Variants in RANBP17 observed in about 807,000 individuals in gnomAD.
The protein encoded by RANBP17 is ran-binding protein 17.
Under a neutral mutation model 141.2 loss-of-function variants are expected in RANBP17, and 158 were observed. That is an observed-to-expected ratio of 1.12 (90% CI 0.98 to 1.28). The LOEUF (loss-of-function observed/expected upper bound fraction) is 1.28. Ranked by LOEUF, RANBP17 falls within the 50% of genes most tolerant of loss-of-function variation. The probability of loss-of-function intolerance (pLI) is 0.00; values close to 1 mark genes in which losing one functional copy is unlikely to be tolerated. For synonymous variants in RANBP17, 430 were observed against 450.0 expected, an observed-to-expected ratio of 0.96 and a Z score of 0.56; for missense variants, 1,438 against 1,290.7, an observed-to-expected ratio of 1.11 and a Z score of -1.75.
intron 14 of RANBP17, among the ~76,000 whole-genome samples, chr5:170,975,467 A>C (rs2127541007): frequency 6.6e-6 from 1 of 152,342 alleles, no homozygotes; most frequent in East Asian, 1.9e-4. Context: ...CAGAGGTTGC[A>C]GTGAGCCGAG....
rs922016940 is a variant in RANBP17 at position 171,061,770 on chromosome 5, A to G, written c.1710+93393A>G. Among the ~76,000 whole-genome samples the G allele has an allele frequency of 5.9e-5, 9 of 152,062 alleles. No individual in the cohort carries two copies. The East Asian group carries it at 7.7e-4, about 13-fold the overall frequency. ...CTAATGTTGACAGTGGGGTGTTAAA[A>G]TCTCCCATTATTAATGTGTGGGAGT... is the stretch of plus-strand genomic sequence containing the variant. On this transcript the variant is annotated intron_variant, in intron 14 of 27. Coordinates refer to ENST00000523189, the MANE Select transcript of RANBP17 (RefSeq NM_022897.5).
At chr5:170,971,618 G>C (rs1331317993) in intron 14 of RANBP17, among the ~76,000 whole-genome samples, 1 of 152,116 alleles carries the variant, frequency 6.6e-6, no homozygotes, top group Non-Finnish European at 1.5e-5. Flanking sequence ...TTAGAACTCT[G>C]TCTTCCTACT....
chr5:171,175,742 A>G (rs1352400331), intron 16 of RANBP17, among the ~76,000 whole-genome samples: 1 of 152,104 alleles, frequency 6.6e-6, no homozygotes, highest in Non-Finnish European at 1.5e-5. Flanking sequence ...ACCAATATCT[A>G]GCTTTTTAAA....
At chr5:170,894,810 T>C (rs1179102669) in intron 4 of RANBP17, among the ~76,000 whole-genome samples, 1 of 152,128 alleles carries the variant, frequency 6.6e-6, no homozygotes, top group Non-Finnish European at 1.5e-5. Context: ...TTCAGCAAGA[T>C]AAGGAGCTTA....
chr5:171,004,887 C>T (rs1046154189), intron 14 of RANBP17, among the ~76,000 whole-genome samples: 12 of 152,108 alleles, frequency 7.9e-5, no homozygotes, highest in African/African-American at 1.7e-4. Context: ...GGAGCCCCTG[C>T]GAGCTGTGGC....
At chr5:171,218,033 A>G (rs1763325479) in intron 21 of RANBP17, among the ~76,000 whole-genome samples, 1 of 152,236 alleles carries the variant, frequency 6.6e-6, no homozygotes. Context: ...ATTTAGTGCT[A>G]TAAATTTCCC....
intron 22 of RANBP17, among the ~76,000 whole-genome samples, chr5:171,227,974 A>G (rs998506267): frequency 2.2e-4 from 34 of 152,342 alleles, no homozygotes; most frequent in African/African-American, 8.2e-4. Flanking sequence ...GCTCACTGAC[A>G]GTGCACCTCG....
intron 14 of RANBP17, among the ~76,000 whole-genome samples, chr5:171,089,857 C>T (rs1366837901): frequency 6.6e-6 from 1 of 152,208 alleles, no homozygotes. Flanking sequence ...CGCCCACTGT[C>T]TGGCACTCCC....
At chr5:170,998,793 G>A (rs1355362232) in intron 14 of RANBP17, among the ~76,000 whole-genome samples, 1 of 151,952 alleles carries the variant, frequency 6.6e-6, no homozygotes, top group Non-Finnish European at 1.5e-5. Flanking sequence ...TTTTTAATTT[G>A]TGTAACCTTT....
intron 14 of RANBP17, among the ~76,000 whole-genome samples, chr5:171,040,451 A>G (rs867698911): frequency 6.6e-6 from 1 of 152,170 alleles, no homozygotes; most frequent in Non-Finnish European, 1.5e-5. Context: ...CTCAGTAAAA[A>G]CATATTATTT....
rs1581264318 is a variant in RANBP17, at chr5:170,968,229, TCCCTTCATGAAGAG to T, written c.1575-12_1576del. 4 of 1,538,838 alleles carry T rather than the reference TCCCTTCATGAAGAG, an allele frequency of 2.6e-6. No homozygotes were observed. The highest frequency in any genetic ancestry group is 2.6e-6 in the Non-Finnish European group (3 of 1,151,824). On this transcript the variant is annotated splice_acceptor_variant and splice_polypyrimidine_tract_variant and coding_sequence_variant and intron_variant, in exon 14 of 28. Coordinates refer to ENST00000523189, the MANE Select transcript of RANBP17 (RefSeq NM_022897.5). LOFTEE classifies it high-confidence loss of function. ...TGTACTGAAGGTTTTTTTTTTATTT[TCCCTTCATGAAGAG>T]TTTTTCAGCTTATATCTTTAATGGA... is the stretch of plus-strand genomic sequence containing the variant.
intron 14 of RANBP17, among the ~76,000 whole-genome samples, chr5:171,153,079 T>C (rs1413793042): frequency 2.0e-5 from 3 of 152,208 alleles, no homozygotes; most frequent in African/African-American, 4.8e-5. Flanking sequence ...TCTATACATA[T>C]CTTGTATCTG....
chr5:170,868,190 A>G (rs1025696028), intron 1 of RANBP17, among the ~76,000 whole-genome samples: 1 of 152,206 alleles, frequency 6.6e-6, no homozygotes, highest in East Asian at 1.9e-4. Flanking sequence ...TATTTAGACT[A>G]TGGTCAAGTT....
intron 12 of RANBP17, among the ~76,000 whole-genome samples, chr5:170,933,515 A>T (rs531186039): frequency 6.6e-6 from 1 of 152,248 alleles, no homozygotes; most frequent in East Asian, 1.9e-4. Flanking sequence ...TAGGGTGTCA[A>T]TTTTAGATCT....
intron 12 of RANBP17, among the ~76,000 whole-genome samples, chr5:170,937,546 G>A (rs1260192196): frequency 1.3e-5 from 2 of 152,248 alleles, no homozygotes; most frequent in East Asian, 1.9e-4. Context: ...AGTACATTTG[G>A]TACCTTTGTG....
chr5:171,102,089 G>A (rs1787207998), intron 14 of RANBP17, among the ~76,000 whole-genome samples: 1 of 152,110 alleles, frequency 6.6e-6, no homozygotes, highest in Admixed American at 6.5e-5. Flanking sequence ...CTCTTCTCAA[G>A]GAGTATCTTT....
chr5:170,892,676 T>C, intron 4 of RANBP17, 123 bp downstream of exon 4: 3 of 695,784 alleles, frequency 4.3e-6, no homozygotes, highest in Non-Finnish European at 7.0e-6. Flanking sequence ...TTATGATTTA[T>C]TATTTATCCT....
At chr5:171,134,464 A>G (rs1022259373) in intron 14 of RANBP17, among the ~76,000 whole-genome samples, 12 of 152,306 alleles carry the variant, frequency 7.9e-5, no homozygotes, top group African/African-American at 2.9e-4. Flanking sequence ...TAGTCAAAGA[A>G]TCTGTTTTTG....
chr5:170,895,217 TTC>T (rs1363209527), intron 4 of RANBP17, among the ~76,000 whole-genome samples: 1 of 152,218 alleles, frequency 6.6e-6, no homozygotes, highest in Non-Finnish European at 1.5e-5. Flanking sequence ...GATAATGGAA[TTC>T]TGTGATAGTT....
Sources: allele counts gnomAD v4.1 joint callset (sites outside exome capture counted in the v4.1 genomes callset), GRCh38; gene constraint gnomAD v4.1.1; transcripts MANE v1.5; gene names NCBI Gene and HGNC (gene_info 2026-07-23, HGNC 2026-07-21).